Variants in AGPAT3 observed in about 807,000 individuals in gnomAD.
AGPAT3 encodes 1-acyl-sn-glycerol-3-phosphate acyltransferase gamma.
A neutral mutation model predicts 47.3 loss-of-function variants in AGPAT3; 5 were observed. That is an observed-to-expected ratio of 0.11 (90% confidence interval 0.06 to 0.22). AGPAT3 has a LOEUF of 0.22. Ranked by LOEUF, AGPAT3 falls within the 10% of genes least tolerant of loss-of-function variation. The pLI, the probability that AGPAT3 is intolerant of heterozygous loss-of-function variation, is 1.00. For missense variants in AGPAT3, 315 were observed against 493.0 expected, an observed-to-expected ratio of 0.64 and a Z score of 3.42; for synonymous variants, 212 against 208.3, an observed-to-expected ratio of 1.02 and a Z score of -0.15.
Position 43,987,165 on chromosome 21 carries a change from G to A in AGPAT3, c.*4773G>A, listed in dbSNP as rs966404612. ...ACTCCGTGCCTCCTTCTGTTTCTTC[G>A]TTTCCAGTCTGCATAGATGTCTCCA... is the stretch of plus-strand genomic sequence containing the variant. On this transcript the variant is annotated 3_prime_UTR_variant, in exon 10 of 10. Transcript: ENST00000291572. Among the ~76,000 whole-genome samples, 7 of 152,208 alleles carry A rather than the reference G, an allele frequency of 4.6e-5. No homozygotes were observed. The highest frequency in any genetic ancestry group is 7.3e-5 in the Non-Finnish European group (5 of 68,046).
rs1232650378 is a variant in AGPAT3, at chr21:43,952,637, C to T, written c.-48-6997C>T. Among the ~76,000 whole-genome samples, 1 of 152,210 alleles carries T rather than the reference C, an allele frequency of 6.6e-6. No individual in the cohort carries two copies. Among genetic ancestry groups the T allele is most frequent in the East Asian group, 1.9e-4 (1 of 5,198 alleles). ...ACCAAGATGTGCTGGCGCCAGGCTT[C>T]CGGGCAACCTAAATCTGTTGTTTAA... On this transcript the variant is annotated intron_variant, in intron 2 of 9. Transcript: ENST00000291572. The surrounding 1 kb of genome is among the most constrained non-coding windows in gnomAD (Gnocchi z 5.6).
chr21:43,972,650 C>T (rs551977556), intron 7 of AGPAT3, among the ~76,000 whole-genome samples: 4 of 152,300 alleles, frequency 2.6e-5, no homozygotes, highest in East Asian at 3.9e-4. Flanking sequence ...GCCACCAATC[C>T]GTTGCTGCCC....
intron 2 of AGPAT3, among the ~76,000 whole-genome samples, chr21:43,945,612 C>T (rs1212729245): frequency 6.6e-6 from 1 of 151,958 alleles, no homozygotes; most frequent in Non-Finnish European, 1.5e-5. Flanking sequence ...TCCAGGCACC[C>T]GTGTCTTGGG....
chr21:43,889,720 T>C (rs983493088), intron 1 of AGPAT3, among the ~76,000 whole-genome samples: 1 of 152,228 alleles, frequency 6.6e-6, no homozygotes, highest in African/African-American at 2.4e-5. Context: ...CTGTAGTCTG[T>C]TAAGTGTGCA....
In AGPAT3 at chr21:43,968,877, C is replaced by T. The variant is rs978668531; in HGVS notation, c.349-241C>T. Among the ~76,000 whole-genome samples the T allele has an allele frequency of 2.6e-5, 4 of 152,240 alleles. No individual in the cohort carries two copies. In the East Asian group the frequency reaches 5.8e-4, roughly 22 times the overall value. ...CCGGAAGCCTGGCAGCCTCTGCATC[C>T]GGCTCATCCACCTTCCCTGAGGGCC... On this transcript the variant is annotated intron_variant, in intron 4 of 9. Transcript: ENST00000291572.
rs570705230 is a variant in AGPAT3 at position 43,939,771 on chromosome 21, T to G, written c.-48-19863T>G. 6.6e-6 allele frequency among the ~76,000 whole-genome samples: 1 copy of G among 152,144 alleles called. No homozygotes were observed. Among genetic ancestry groups the G allele is most frequent in the South Asian group, 2.1e-4 (1 of 4,824 alleles). On this transcript the variant is annotated intron_variant, in intron 2 of 9. Coordinates refer to ENST00000291572, the MANE Select transcript of AGPAT3 (RefSeq NM_020132.5). The surrounding 1 kb of genome is among the most constrained non-coding windows in gnomAD (Gnocchi z 4.4). ...CTGGCCCCTTGACACACTGGTGCTG[T>G]GAGGAGGAAGATGTGGGCACTCTTA...
intron 2 of AGPAT3, among the ~76,000 whole-genome samples, chr21:43,906,703 C>G (rs2086504920): frequency 6.6e-6 from 1 of 152,248 alleles, no homozygotes; most frequent in Admixed American, 6.5e-5. Flanking sequence ...AGGCGTGAAC[C>G]CACAGCCAGG....
chr21:43,879,148 G>A (rs553854127), intron 1 of AGPAT3, among the ~76,000 whole-genome samples: 2 of 151,970 alleles, frequency 1.3e-5, no homozygotes, highest in East Asian at 1.9e-4. Flanking sequence ...TCAGGAGTTC[G>A]AGACCAGCCT....
At position 43,968,201 on chromosome 21, in the gene AGPAT3, G is replaced by A; in HGVS notation, c.348+86G>A. On this transcript the variant is annotated intron_variant, in intron 4 of 9. Transcript: ENST00000291572. ...TGAGCGGGGACCCAGGGAGGGCCGG[G>A]GTGAGCAGGGGGTCCCTGCAGGGCT... is the stretch of plus-strand genomic sequence containing the variant. The A allele has an allele frequency of 3.4e-6, 5 of 1,461,706 alleles. 1 individual carries two copies. Among genetic ancestry groups the A allele is most frequent in the Non-Finnish European group, 4.6e-6 (5 of 1,075,590 alleles). The allele number at this position is 1,461,706 out of a possible 1,614,324, so 90.5% of individuals were successfully genotyped here.
intron 2 of AGPAT3, among the ~76,000 whole-genome samples, chr21:43,943,577 A>G (rs1257525572): frequency 3.3e-5 from 5 of 152,164 alleles, no homozygotes; most frequent in Non-Finnish European, 5.9e-5. Flanking sequence ...CAAGTTCCAC[A>G]TTCAGCTTCA....
intron 1 of AGPAT3, among the ~76,000 whole-genome samples, chr21:43,889,595 G>A (rs2086057539): frequency 6.6e-6 from 1 of 152,180 alleles, no homozygotes; most frequent in Admixed American, 6.5e-5. Context: ...TCACGATAAA[G>A]TGAGGCACAC....
chr21:43,959,730 G>A lies in AGPAT3; in HGVS notation c.49G>A (p.Val17Ile), dbSNP rs35051468. 14 of 1,613,836 alleles carry A rather than the reference G, an allele frequency of 8.7e-6. No homozygotes were observed. The highest frequency in any genetic ancestry group is 1.2e-5 in the Non-Finnish European group (14 of 1,179,944). ...GACCCAGTTCGTGCTGCACCTGCTG[G>A]TCGGCTTTGTCTTCGTGGTGAGTGG... ...LKTQFVLHLL[V>I]GFVFVVSGLV... is the part of the protein sequence containing the mutation. The change falls in exon 3 of 10, where the codon GTC (valine) becomes ATC (isoleucine). Residue 17 changes from valine (V) to isoleucine (I), a missense_variant. Physicochemically the swap from Val to Ile is conservative, Grantham distance 29. Coordinates refer to ENST00000291572, the MANE Select transcript of AGPAT3 (RefSeq NM_020132.5).
At chr21:43,974,816 T>C (rs2089543612) in intron 7 of AGPAT3, among the ~76,000 whole-genome samples, 1 of 152,164 alleles carries the variant, frequency 6.6e-6, no homozygotes, top group South Asian at 2.1e-4. Flanking sequence ...CTCCCCTCAC[T>C]GTAGACAAAG....
rs533557145 is a variant in AGPAT3, at chr21:43,894,718, C to T, written c.-111-9239C>T. ...TATCTATACCCACTAATCAACCTCT[C>T]TTCCTCTCTGCCCCTGATTTATTCT... On this transcript the variant is annotated intron_variant, in intron 1 of 9. Coordinates refer to ENST00000291572, the MANE Select transcript of AGPAT3 (RefSeq NM_020132.5). Among the ~76,000 whole-genome samples the T allele has an allele frequency of 1.1e-4, 16 of 152,348 alleles. No homozygotes were observed. The South Asian group carries it at 3.3e-3, about 32-fold the overall frequency.
chr21:43,948,053 A>T (rs935045799), intron 2 of AGPAT3: 1 of 152,250 alleles, frequency 6.6e-6, no homozygotes, highest in African/African-American at 2.4e-5. Context: ...CCACGTGAGT[A>T]AGAGTAATAG....
In AGPAT3 at chr21:43,984,573, G is replaced by A. The variant is rs1463485894; in HGVS notation, c.*2181G>A. The A allele has an allele frequency of 6.4e-6, 1 of 155,286 alleles. No homozygotes were observed. Among genetic ancestry groups the A allele is most frequent in the African/African-American group, 2.4e-5 (1 of 41,414 alleles). The allele number at this position is 155,286 out of a possible 1,614,324, so 9.6% of individuals were successfully genotyped here. A position where few individuals can be genotyped will look rare whatever the true frequency, so the allele number is the denominator to read the frequency against. On this transcript the variant is annotated 3_prime_UTR_variant, in exon 10 of 10. Coordinates refer to ENST00000291572, the MANE Select transcript of AGPAT3 (RefSeq NM_020132.5). ...AGGTTAGAGTGGAGACGGAGGCCCA[G>A]GCGCAGGGGTCACACCTCATCTGGT... is the stretch of plus-strand genomic sequence containing the variant.
At chr21:43,977,321 A>G (rs2089654238) in intron 7 of AGPAT3, among the ~76,000 whole-genome samples, 1 of 152,226 alleles carries the variant, frequency 6.6e-6, no homozygotes, top group African/African-American at 2.4e-5. Context: ...GCCTAATGAA[A>G]GACACTCTCA....
At chr21:43,971,111 A>G (rs1826024479) in intron 6 of AGPAT3, among the ~76,000 whole-genome samples, 1 of 152,256 alleles carries the variant, frequency 6.6e-6, no homozygotes, top group South Asian at 2.1e-4. Flanking sequence ...GGGACAAAGA[A>G]CAGAAAACAG....
At chr21:43,980,699 A>G (rs1325888764) in intron 8 of AGPAT3, among the ~76,000 whole-genome samples, 2 of 152,200 alleles carry the variant, frequency 1.3e-5, no homozygotes, top group Non-Finnish European at 2.9e-5. Context: ...AGTGCTGGGC[A>G]GGCAGGTGTT....
Sources: gnomAD v4.1 joint callset for allele counts (sites outside exome capture counted in the v4.1 genomes callset) on GRCh38, gnomAD v4.1.1 for gene constraint, Gnocchi (gnomAD v3.1) non-coding constraint, MANE v1.5 for transcripts, NCBI Gene and HGNC (gene_info 2026-07-23, HGNC 2026-07-21) for gene names.